Variants in HTRA3 observed in about 807,000 individuals in gnomAD.
HTRA3 encodes HtrA serine peptidase 3, also known as serine protease HTRA3.
In HTRA3, 41 loss-of-function variants were observed where a neutral mutation model predicts 43.2. The ratio of observed to expected loss-of-function variants is 0.95; its 90% CI spans 0.74 to 1.23. The LOEUF (loss-of-function observed/expected upper bound fraction) is 1.23. Ranked by LOEUF, HTRA3 falls within the 50% of genes most tolerant of loss-of-function variation. The pLI is 0.00. For synonymous variants in HTRA3, 295 were observed against 287.9 expected (o/e 1.02, Z -0.25); for missense variants, 628 against 647.1 (o/e 0.97, Z 0.32).
chr4:8,303,236 C>T (rs774030204), intron 7 of HTRA3, among the ~76,000 whole-genome samples: 3 of 152,230 alleles, frequency 2.0e-5, no homozygotes, highest in Non-Finnish European at 4.4e-5. Flanking sequence ...CCCTCTCCAG[C>T]CTTGAACTCA....
chr4:8,272,467 T>C (rs758461848), intron 1 of HTRA3, among the ~76,000 whole-genome samples: 1 of 152,196 alleles, frequency 6.6e-6, no homozygotes, highest in Non-Finnish European at 1.5e-5. Context: ...CTCTTCCCGA[T>C]GAGGTGACCT....
intron 7 of HTRA3, among the ~76,000 whole-genome samples, chr4:8,303,603 T>G (rs1442837488): frequency 1.3e-5 from 2 of 152,238 alleles, no homozygotes; most frequent in African/African-American, 4.8e-5. Context: ...TTTCACCAAC[T>G]CTGCTAATCT....
At position 8,286,627 on chromosome 4, in the gene HTRA3, C is replaced by G. The variant is rs1712984233; in HGVS notation, c.552C>G (p.Gly184=). The change falls in exon 3 of 9, where the codon GGC becomes GGG. Residue 184 remains glycine (G), a synonymous_variant. Coordinates refer to ENST00000307358, the MANE Select transcript of HTRA3 (RefSeq NM_053044.5). The surrounding 1 kb of genome is among the most constrained non-coding windows in gnomAD (Gnocchi z 4.9). ...CTGGCTTCATCATGTCAGAGGCCGG[C>G]CTGATCATCACCAATGCCCACGTGG... is the stretch of plus-strand genomic sequence containing the variant. The part of the protein sequence containing the change: ...SGSGFIMSEA[G]LIITNAHVVS... 2 of 1,614,090 alleles carry G rather than the reference C, an allele frequency of 1.2e-6. No homozygotes were observed. Among genetic ancestry groups the G allele is most frequent in the Admixed American group, 1.7e-5 (1 of 60,002 alleles).
chr4:8,277,411 G>T (rs1408358189), intron 1 of HTRA3, among the ~76,000 whole-genome samples: 1 of 152,184 alleles, frequency 6.6e-6, no homozygotes, highest in African/African-American at 2.4e-5. Context: ...AGCGGGCCAG[G>T]TCCAGCCCAG....
intron 6 of HTRA3, 75 bp from the exon 7 acceptor site, chr4:8,302,388 T>C: frequency 7.2e-7 from 1 of 1,381,804 alleles, no homozygotes; most frequent in South Asian, 1.2e-5. Flanking sequence ...ACTTCTGTCC[T>C]CTGCCTGTCC....
In HTRA3 at chr4:8,270,154, T is replaced by C. The variant is rs749073069; in HGVS notation, c.186T>C (p.Cys62=). 5 of 1,543,064 alleles carry C rather than the reference T, an allele frequency of 3.2e-6. No individual in the cohort carries two copies. In the African/African-American group the frequency reaches 5.7e-5, roughly 18 times the overall value. The change falls in exon 1 of 9, where the codon TGT becomes TGC. Residue 62 remains cysteine, a synonymous_variant. Coordinates refer to ENST00000307358, the MANE Select transcript of HTRA3 (RefSeq NM_053044.5). ...GCGCCGCCAGCGAGGGCGAGCCCTG[T>C]GGCGGCCCTCTGGACTCGCCTTGCG... ...LVCAASEGEP[C]GGPLDSPCGE... is the part of the protein sequence containing the mutation.
intron 6 of HTRA3, among the ~76,000 whole-genome samples, chr4:8,301,252 GCTTTATTGATTCACACTC>G (rs1713644558): frequency 1.5e-5 from 1 of 67,230 alleles, no homozygotes; most frequent in Non-Finnish European, 2.9e-5. Flanking sequence ...TTCACACTCA[GCTTTATTGATTCACACTC>G]ATCTTTATTA....
chr4:8,285,086 C>T (rs1712902661), intron 2 of HTRA3, among the ~76,000 whole-genome samples: 1 of 152,164 alleles, frequency 6.6e-6, no homozygotes, highest in Non-Finnish European at 1.5e-5. Flanking sequence ...TTAGACCCCT[C>T]TCTCTGCTCT....
intron 1 of HTRA3, among the ~76,000 whole-genome samples, chr4:8,281,237 G>T (rs1712731141): frequency 1.3e-5 from 2 of 152,204 alleles, no homozygotes; most frequent in South Asian, 4.1e-4. Flanking sequence ...TCGTGCCTTT[G>T]GACGATCCAG....
chr4:8,304,072 C>A, intron 7 of HTRA3, 112 bp from the exon 8 acceptor site: 1 of 749,146 alleles, frequency 1.3e-6, no homozygotes, highest in Non-Finnish European at 2.2e-6. Context: ...AGTATGGGGG[C>A]CCAGAGGTGG....
chr4:8,280,356 C>A (rs981676412), intron 1 of HTRA3, among the ~76,000 whole-genome samples: 11 of 152,094 alleles, frequency 7.2e-5, no homozygotes, highest in African/African-American at 2.7e-4. Context: ...CCCTCTGGGT[C>A]GTGGAAATTG....
chr4:8,286,086 G>C lies in HTRA3; in HGVS notation c.486-475G>C, dbSNP rs1389180129. Among the ~76,000 whole-genome samples the C allele has an allele frequency of 6.6e-6, 1 of 152,212 alleles. No individual in the cohort carries two copies. The highest frequency in any genetic ancestry group is 1.5e-5 in the Non-Finnish European group (1 of 68,048). ...CCAATTATTGTCCTGTTTGTTGAGAGGCGTTTTAGAGCCCAGGCATCACCA... is the reference window on the plus strand; with the variant it reads ...CCAATTATTGTCCTGTTTGTTGAGACGCGTTTTAGAGCCCAGGCATCACCA... On this transcript the variant is annotated intron_variant, in intron 2 of 8. Coordinates refer to ENST00000307358, the MANE Select transcript of HTRA3 (RefSeq NM_053044.5). The surrounding 1 kb of genome is among the most constrained non-coding windows in gnomAD (Gnocchi z 4.9).
intron 3 of HTRA3, among the ~76,000 whole-genome samples, chr4:8,287,738 C>T (rs1161624665): frequency 6.6e-6 from 1 of 152,200 alleles, no homozygotes; most frequent in East Asian, 1.9e-4. Context: ...AGAGCCAAAC[C>T]ATATCAGGGA....
At chr4:8,283,431 G>A (rs1311585478) in intron 2 of HTRA3, among the ~76,000 whole-genome samples, 3 of 152,224 alleles carry the variant, frequency 2.0e-5, no homozygotes, top group African/African-American at 7.2e-5. Flanking sequence ...CTCTGAGCTG[G>A]TTTGGGGGAG....
chr4:8,282,548 C>T lies in HTRA3; in HGVS notation c.485+12C>T, dbSNP rs369658264. ...GAGCTCTTCCTGAGGTGGGTGAATA[C>T]CCCTCGCCCCTCTCTGCCTCCTGGT... is the stretch of plus-strand genomic sequence containing the variant. On this transcript the variant is annotated intron_variant, in intron 2 of 8. Coordinates refer to ENST00000307358, the MANE Select transcript of HTRA3 (RefSeq NM_053044.5). 3 of 1,593,124 alleles carry T rather than the reference C, an allele frequency of 1.9e-6. No individual in the cohort carries two copies. Among genetic ancestry groups the T allele is most frequent in the Non-Finnish European group, 8.6e-7 (1 of 1,161,754 alleles).
chr4:8,305,681 T>C (rs1578810489), intron 8 of HTRA3, among the ~76,000 whole-genome samples: 1 of 152,164 alleles, frequency 6.6e-6, no homozygotes, highest in East Asian at 1.9e-4. Flanking sequence ...ACATGAAAAC[T>C]GAGGCACAAG....
chr4:8,278,382 T>A (rs1712611949), intron 1 of HTRA3, among the ~76,000 whole-genome samples: 1 of 141,502 alleles, frequency 7.1e-6, no homozygotes, highest in African/African-American at 2.5e-5. Flanking sequence ...AGATTCCAGT[T>A]TATTGAGGAA....
rs1048590456 is a variant in HTRA3 at position 8,279,092 on chromosome 4, G to A, written c.386-3345G>A. On this transcript the variant is annotated intron_variant, in intron 1 of 8. Transcript: ENST00000307358. This position sits in a 1 kb window ranked among gnomAD's most constrained non-coding sequence, Gnocchi z 7.4. ...ACTGGGGTGTGGAAGCGAACCAGATGGTCTCTGTCCCAAAGGAGCCTGGGG... is the reference window on the plus strand; with the variant it reads ...ACTGGGGTGTGGAAGCGAACCAGATAGTCTCTGTCCCAAAGGAGCCTGGGG... 4.5e-4 allele frequency among the ~76,000 whole-genome samples: 69 copies of A among 152,134 alleles called. No individual in the cohort carries two copies. Among genetic ancestry groups the A allele is most frequent in the African/African-American group, 1.6e-3 (68 of 41,522 alleles).
At chr4:8,294,427 G>A (rs1214508816) in intron 6 of HTRA3, among the ~76,000 whole-genome samples, 1 of 151,756 alleles carries the variant, frequency 6.6e-6, no homozygotes, top group African/African-American at 2.4e-5. Context: ...TTCGTGATCG[G>A]CTTCATCCCC....
Sources: gnomAD v4.1 joint callset for allele counts (sites outside exome capture counted in the v4.1 genomes callset) on GRCh38, gnomAD v4.1.1 for gene constraint, Gnocchi (gnomAD v3.1) non-coding constraint, MANE v1.5 for transcripts, NCBI Gene and HGNC (gene_info 2026-07-23, HGNC 2026-07-21) for gene names.